Variants in SLC44A5 observed in about 807,000 individuals in gnomAD.
SLC44A5 encodes the protein solute carrier family 44 member 5, also known as choline transporter-like protein 5.
Under a neutral mutation model 101.8 loss-of-function variants are expected in SLC44A5, and 57 were observed. The ratio of observed to expected loss-of-function variants is 0.56; its 90% CI spans 0.45 to 0.70. The LOEUF (loss-of-function observed/expected upper bound fraction) is 0.70. Among genes scored for constraint, SLC44A5 ranks in the 30% least tolerant of loss-of-function variants. The pLI, the probability that SLC44A5 is intolerant of heterozygous loss-of-function variation, is 0.00. For missense variants in SLC44A5, 737 were observed against 853.1 expected (o/e 0.86, Z 1.70); for synonymous variants, 281 against 290.9 (o/e 0.97, Z 0.35).
At chr1:75,514,477 G>A (rs1423540731) in intron 2 of SLC44A5, among the ~76,000 whole-genome samples, 1 of 152,168 alleles carries the variant, frequency 6.6e-6, no homozygotes, top group East Asian at 1.9e-4. Context: ...GTGAAAAACA[G>A]AGACATAACA....
chr1:75,283,460 T>C (rs1652785778), intron 5 of SLC44A5, among the ~76,000 whole-genome samples: 2 of 152,212 alleles, frequency 1.3e-5, no homozygotes, highest in Admixed American at 1.3e-4. Flanking sequence ...GTCTGTTTAC[T>C]CTGCTGATTA....
intron 1 of SLC44A5, among the ~76,000 whole-genome samples, chr1:75,576,467 C>T (rs1570654057): frequency 7.0e-6 from 1 of 142,246 alleles, no homozygotes; most frequent in Non-Finnish European, 1.6e-5. Context: ...GCGCCCGCCA[C>T]CACGCCCGGC....
the SLC44A5 span, among the ~76,000 whole-genome samples, chr1:75,659,983 C>T: frequency 6.6e-6 from 1 of 152,060 alleles, no homozygotes; most frequent in African/African-American, 2.4e-5. Context: ...GCAGGCAGAT[C>T]GCTTGAGGCT....
At chr1:75,306,733 C>CTTTTTTTTTTTTTTTT (rs771955227) in intron 4 of SLC44A5, among the ~76,000 whole-genome samples, 4 of 102,586 alleles carry the variant, frequency 3.9e-5, no homozygotes, top group East Asian at 3.6e-4. Context: ...GGTTTCCTTT[C>CTTTTTTTTTTTTTTTT]TTTTTTTTTT....
At chr1:75,350,568 G>A (rs1658569010) in intron 3 of SLC44A5, among the ~76,000 whole-genome samples, 1 of 150,726 alleles carries the variant, frequency 6.6e-6, no homozygotes, top group African/African-American at 2.4e-5. Flanking sequence ...CCAACTATAT[G>A]CTATATGTAT....
the SLC44A5 span, among the ~76,000 whole-genome samples, chr1:75,631,571 G>T: frequency 9.7e-6 from 1 of 103,102 alleles, no homozygotes; most frequent in Non-Finnish European, 1.8e-5. Context: ...TTTTGAGACA[G>T]AGTTTTGCTC....
chr1:75,409,236 A>T (rs1663112031), intron 2 of SLC44A5, among the ~76,000 whole-genome samples: 1 of 152,194 alleles, frequency 6.6e-6, no homozygotes, highest in Admixed American at 6.5e-5. Context: ...CACTACAGGA[A>T]GTCCATGAGT....
intron 2 of SLC44A5, among the ~76,000 whole-genome samples, chr1:75,401,085 T>C (rs1486700847): frequency 6.6e-6 from 1 of 152,178 alleles, no homozygotes; most frequent in East Asian, 1.9e-4. Flanking sequence ...TATAGAGCCC[T>C]GAAGTCCGGA....
At chr1:75,685,631 C>T in the SLC44A5 span, among the ~76,000 whole-genome samples, 10 of 152,134 alleles carry the variant, frequency 6.6e-5, no homozygotes, top group African/African-American at 1.2e-4. Context: ...CTAGGCAGTT[C>T]GAAACTTGCT....
chr1:75,448,201 C>G (rs979026359), intron 2 of SLC44A5, among the ~76,000 whole-genome samples: 1 of 152,030 alleles, frequency 6.6e-6, no homozygotes, highest in Non-Finnish European at 1.5e-5. Flanking sequence ...ATGAGTAGAA[C>G]AAAGGCAGTG....
chr1:75,662,521 C>A, the SLC44A5 span, among the ~76,000 whole-genome samples: 1 of 151,858 alleles, frequency 6.6e-6, no homozygotes, highest in Non-Finnish European at 1.5e-5. Flanking sequence ...GGAATGCTCC[C>A]AACACAAAGA....
chr1:75,499,574 A>G (rs2101834907), intron 2 of SLC44A5, among the ~76,000 whole-genome samples: 1 of 152,348 alleles, frequency 6.6e-6, no homozygotes, highest in South Asian at 2.1e-4. Context: ...ATTTCTCAGA[A>G]CATATCCCCA....
At position 75,396,476 on chromosome 1, in the gene SLC44A5, CCAAA is replaced by C. The variant is rs1662128508; in HGVS notation, c.52+103_52+106del. 7 of 953,384 alleles carry C rather than the reference CCAAA, an allele frequency of 7.3e-6. No homozygotes were observed. In the Admixed American group the frequency reaches 1.5e-4, roughly 20 times the overall value. The allele number at this position is 953,384 out of a possible 1,614,324, so 59.1% of individuals were successfully genotyped here. A position where few individuals can be genotyped will look rare whatever the true frequency, so the allele number is the denominator to read the frequency against. ...AGCTTCAGTCAGCAATTATTCTTTACCAAACAAATATTTCGCTATTCCTAGATTT... is the reference window on the plus strand; with the variant it reads ...AGCTTCAGTCAGCAATTATTCTTTACCAAATATTTCGCTATTCCTAGATTT... On this transcript the variant is annotated intron_variant, in intron 3 of 23. Coordinates refer to ENST00000370859, the MANE Select transcript of SLC44A5 (RefSeq NM_001130058.2).
the SLC44A5 span, among the ~76,000 whole-genome samples, chr1:75,658,083 T>TTTGTTG: frequency 2.0e-4 from 31 of 151,882 alleles, no homozygotes; most frequent in South Asian, 8.3e-4. Flanking sequence ...TCTTATGGTT[T>TTTGTTG]TTGTTGTTGT....
In SLC44A5 at chr1:75,591,744, T is replaced by C. The variant is rs542588835; in HGVS notation, c.-70+19296A>G. Among the ~76,000 whole-genome samples, 3 of 152,138 alleles carry C rather than the reference T, an allele frequency of 2.0e-5. No individual in the cohort carries two copies. The East Asian group carries it at 5.8e-4, about 29-fold the overall frequency. On this transcript the variant is annotated intron_variant, in intron 1 of 23. Transcript: ENST00000370859. ...AACATATGCAAATCAAGCAACATGA[T>C]ACATCATATCAACAGAATGAAGGAT...
the SLC44A5 span, among the ~76,000 whole-genome samples, chr1:75,691,217 C>G: frequency 1.3e-5 from 2 of 152,188 alleles, no homozygotes; most frequent in Non-Finnish European, 2.9e-5. Flanking sequence ...GGAACCTCCC[C>G]TAGCCTGAGA....
At chr1:75,434,021 A>T (rs1174874793) in intron 2 of SLC44A5, among the ~76,000 whole-genome samples, 1 of 152,032 alleles carries the variant, frequency 6.6e-6, no homozygotes, top group Non-Finnish European at 1.5e-5. Context: ...ATTATCTCCA[A>T]CTGGGCCCCT....
chr1:75,469,666 T>G (rs1399924583), intron 2 of SLC44A5, among the ~76,000 whole-genome samples: 1 of 152,020 alleles, frequency 6.6e-6, no homozygotes, highest in African/African-American at 2.4e-5. Context: ...TGCCTGTAAT[T>G]CCAGCCTTCT....
intron 4 of SLC44A5, among the ~76,000 whole-genome samples, chr1:75,336,466 T>C (rs1657453389): frequency 6.6e-6 from 1 of 152,204 alleles, no homozygotes; most frequent in African/African-American, 2.4e-5. Context: ...AATATGATTA[T>C]TTCTTTCACA....
Sources: gnomAD v4.1 joint callset for allele counts (sites outside exome capture counted in the v4.1 genomes callset) on GRCh38, gnomAD v4.1.1 for gene constraint, MANE v1.5 for transcripts, NCBI Gene and HGNC (gene_info 2026-07-23, HGNC 2026-07-21) for gene names.